ANKS1A: variants seen among roughly 807,000 people sequenced by gnomAD.
ANKS1A encodes ankyrin repeat and sterile alpha motif domain containing 1A, also known as ankyrin repeat and SAM domain-containing protein 1A.
Under a neutral mutation model 120.3 loss-of-function variants are expected in ANKS1A, and 55 were observed. The ratio of observed to expected loss-of-function variants is 0.46; its 90% CI spans 0.37 to 0.57. The LOEUF (loss-of-function observed/expected upper bound fraction) is 0.57. ANKS1A is among the 20% of genes least tolerant of loss of function. ANKS1A has a pLI of 0.00. For missense variants in ANKS1A, 1,123 were observed against 1,480.3 expected, an observed-to-expected ratio of 0.76 and a Z score of 3.96; for synonymous variants, 590 against 604.7, an observed-to-expected ratio of 0.98 and a Z score of 0.36.
chr6:35,093,325 C>T (rs1403060095), downstream of ANKS1A, among the ~76,000 whole-genome samples: 1 of 152,022 alleles, frequency 6.6e-6, no homozygotes, highest in Non-Finnish European at 1.5e-5. Context: ...CCTGTTCCAA[C>T]TTATGCCAAA....
At chr6:35,088,575 T>C (rs753279353) in intron 23 of ANKS1A, 31 bp from the exon 24 acceptor site, 13 of 1,613,932 alleles carry the variant, frequency 8.1e-6, no homozygotes, top group Non-Finnish European at 1.1e-5. Context: ...TGGTTAACCC[T>C]TTCCTCCCCC....
intron 1 of ANKS1A, among the ~76,000 whole-genome samples, chr6:34,927,320 C>T (rs937668431): frequency 1.8e-4 from 27 of 150,958 alleles, no homozygotes; most frequent in Admixed American, 5.3e-4. Context: ...TGCATAAGGA[C>T]GCAGAAGAAA....
chr6:34,983,193 C>G lies in ANKS1A; in HGVS notation c.889C>G (p.Gln297Glu), dbSNP rs752340630. The G allele has an allele frequency of 1.2e-6, 2 of 1,614,036 alleles. No individual in the cohort carries two copies. The highest frequency in any genetic ancestry group is 1.7e-6 in the Non-Finnish European group (2 of 1,180,030). ...GGAACTGCCTTCTCAAAAGAGCCAGCAAATAGCAGCATTAATTGAAGGTAT... is the reference window on the plus strand; with the variant it reads ...GGAACTGCCTTCTCAAAAGAGCCAGGAAATAGCAGCATTAATTGAAGGTAT... ...VRELPSQKSQ[Q>E]IAALIEDHMT... is the part of the protein sequence containing the mutation. The change falls in exon 6 of 24, where the codon CAA becomes GAA. Residue 297 changes from glutamine (Q) to glutamate (E), a missense_variant. Around this residue, in one of 3 missense-constraint regions of ANKS1A, gnomAD observed 904 missense variants for 1,130.4 expected, o/e 0.80. Transcript: ENST00000360359.
intron 9 of ANKS1A, among the ~76,000 whole-genome samples, chr6:34,990,722 G>A (rs1047072968): frequency 6.6e-6 from 1 of 152,154 alleles, no homozygotes. Context: ...AGTGGTGGCT[G>A]GGAGAGAGAA....
chr6:35,063,006 CCT>C (rs1218782251), intron 13 of ANKS1A, among the ~76,000 whole-genome samples: 1 of 152,176 alleles, frequency 6.6e-6, no homozygotes, highest in African/African-American at 2.4e-5. Context: ...GGTGCCATGC[CCT>C]CTTATTCTCC....
rs943012383 is a variant in ANKS1A at position 34,998,819 on chromosome 6, C to T, written c.1423+4397C>T. On this transcript the variant is annotated intron_variant, in intron 10 of 23. Transcript: ENST00000360359. ...CTTGGTGTCTGAGGGGTTTTGTCTG[C>T]GGCTTGTCCTGCTACATTTCTTGGT... 7.4e-4 allele frequency among the ~76,000 whole-genome samples: 113 copies of T among 152,304 alleles called. 2 individuals carry two copies. The highest frequency in any genetic ancestry group is 4.7e-4 in the Non-Finnish European group (32 of 68,032).
chr6:35,082,936 C>G lies in ANKS1A; in HGVS notation c.2835+120C>G. On this transcript the variant is annotated intron_variant, in intron 18 of 23. Transcript: ENST00000360359. This position sits in a 1 kb window ranked among gnomAD's most constrained non-coding sequence, Gnocchi z 4.1. ...AGGCCCAGGGCTTTTGAGCTGTTCT[C>G]CACTCTCAGCCACTCTTGACAGCTA... 7 of 1,453,822 alleles carry G rather than the reference C, an allele frequency of 4.8e-6. No individual in the cohort carries two copies. Among genetic ancestry groups the G allele is most frequent in the South Asian group, 1.4e-5 (1 of 72,508 alleles). The allele number at this position is 1,453,822 out of a possible 1,614,324, so 90.1% of individuals were successfully genotyped here. A position where few individuals can be genotyped will look rare whatever the true frequency, so the allele number is the denominator to read the frequency against.
chr6:35,010,330 A>G (rs1435636553), intron 10 of ANKS1A, among the ~76,000 whole-genome samples: 2 of 152,208 alleles, frequency 1.3e-5, no homozygotes, highest in African/African-American at 4.8e-5. Context: ...ATAGAAGTAA[A>G]GAGTGCTGGG....
At chr6:34,938,884 C>T (rs948702647) in intron 1 of ANKS1A, among the ~76,000 whole-genome samples, 6 of 152,096 alleles carry the variant, frequency 3.9e-5, no homozygotes, top group Admixed American at 6.6e-5. Flanking sequence ...CCTACGCGGA[C>T]GGCTGAGGCA....
intron 10 of ANKS1A, among the ~76,000 whole-genome samples, chr6:35,006,187 T>TA (rs35521731): frequency 0.023 from 3,008 of 128,252 alleles, 160 homozygotes; most frequent in East Asian, 0.21. Context: ...GACTCTGTCT[T>TA]AAAAAAAAAA....
At chr6:35,039,594 C>T (rs959524967) in intron 11 of ANKS1A, 16 of 456,762 alleles carry the variant, frequency 3.5e-5, no homozygotes, top group Admixed American at 1.2e-4. Flanking sequence ...GGCCCACACA[C>T]TTACCAAATT....
At chr6:34,923,013 G>A (rs2127466950) in intron 1 of ANKS1A, among the ~76,000 whole-genome samples, 1 of 152,228 alleles carries the variant, frequency 6.6e-6, no homozygotes, top group African/African-American at 2.4e-5. Flanking sequence ...CTTTAGCCCA[G>A]GGGCAAAGGT....
At chr6:35,078,451 C>T in intron 13 of ANKS1A, 107 bp from the exon 14 acceptor site, 3 of 954,346 alleles carry the variant, frequency 3.1e-6, no homozygotes, top group Non-Finnish European at 4.9e-6. Flanking sequence ...TTGGTGCCTG[C>T]AGTGAAGGAG....
At chr6:34,893,852 G>T (rs750132785) in intron 1 of ANKS1A, among the ~76,000 whole-genome samples, 16 of 152,082 alleles carry the variant, frequency 1.1e-4, no homozygotes, top group Admixed American at 4.6e-4. Flanking sequence ...TTTGTGCTAT[G>T]ATTTATGTTT....
chr6:35,016,702 GTTAAAC>G (rs1774020977), intron 10 of ANKS1A, among the ~76,000 whole-genome samples: 1 of 150,008 alleles, frequency 6.7e-6, no homozygotes, highest in Admixed American at 6.7e-5. Flanking sequence ...ATCAACTAAG[GTTAAAC>G]TTAAACAAAT....
chr6:35,086,126 G>GC lies in ANKS1A; in HGVS notation c.3303+191dup. On this transcript the variant is annotated intron_variant, in intron 22 of 23. Transcript: ENST00000360359. This position sits in a 1 kb window ranked among gnomAD's most constrained non-coding sequence, Gnocchi z 5.1. ...AAAGGCAGCAGCTCCTCTGGCCTGG[G>GC]CGGGCCTCTCATGCTCCTGTTTCCC... The GC allele has an allele frequency of 8.6e-7, 1 of 1,162,582 alleles. No individual in the cohort carries two copies. The highest frequency in any genetic ancestry group is 1.2e-6 in the Non-Finnish European group (1 of 840,006). The allele number at this position is 1,162,582 out of a possible 1,614,324, so 72.0% of individuals were successfully genotyped here. A position where few individuals can be genotyped will look rare whatever the true frequency, so the allele number is the denominator to read the frequency against.
At chr6:35,015,219 C>T (rs574374398) in intron 10 of ANKS1A, among the ~76,000 whole-genome samples, 10 of 152,016 alleles carry the variant, frequency 6.6e-5, no homozygotes, top group African/African-American at 2.4e-4. Flanking sequence ...GAGGAGGGGC[C>T]CAACACAGTG....
In ANKS1A at chr6:34,889,516, T is replaced by TGGCTCTGGGGGCGGCGGCGGC. The variant is rs1347600263; in HGVS notation, c.118_138dup (p.Ser47_Gly53dup). ...CAGGCTTTGGGGGCGGCGGCGGCGG[T>TGGCTCTGGGGGCGGCGGCGGC]GGCTCTGGGGGCGGCGGCGGCGGCA... On this transcript the variant is annotated inframe_insertion, in exon 1 of 24. Transcript: ENST00000360359. The surrounding 1 kb of genome is among the most constrained non-coding windows in gnomAD (Gnocchi z 5.5). 1 of 1,271,014 alleles carries TGGCTCTGGGGGCGGCGGCGGC rather than the reference T, an allele frequency of 7.9e-7. No homozygotes were observed. The highest frequency in any genetic ancestry group is 1.6e-5 in the African/African-American group (1 of 63,624). 78.7% of individuals were successfully genotyped at this position (1,271,014 alleles called of 1,614,324 possible).
chr6:34,889,944 T>G lies in ANKS1A; in HGVS notation c.197+345T>G, dbSNP rs1766718116. On this transcript the variant is annotated intron_variant, in intron 1 of 23. Transcript: ENST00000360359. The surrounding 1 kb of genome is among the most constrained non-coding windows in gnomAD (Gnocchi z 5.5). ...AGCCAATTAAGAGCAAATATGTATATCTTATATATATATATATGAGATCTC... is the reference window on the plus strand; with the variant it reads ...AGCCAATTAAGAGCAAATATGTATAGCTTATATATATATATATGAGATCTC... Among the ~76,000 whole-genome samples, 1 of 130,912 alleles carries G rather than the reference T, an allele frequency of 7.6e-6. No individual in the cohort carries two copies. Among genetic ancestry groups the G allele is most frequent in the Non-Finnish European group, 1.5e-5 (1 of 66,190 alleles). 85.9% of individuals were successfully genotyped at this position (130,912 alleles called of 152,430 possible).
Sources: allele counts gnomAD v4.1 joint callset (sites outside exome capture counted in the v4.1 genomes callset), GRCh38; gene constraint gnomAD v4.1.1; regional missense constraint gnomAD v4.1.1; non-coding constraint Gnocchi (gnomAD v3.1); transcripts MANE v1.5; gene names NCBI Gene and HGNC (gene_info 2026-07-23, HGNC 2026-07-21).